The following NCAM2 variants were observed in gnomAD, a reference collection of about 807,000 sequenced individuals.
NCAM2 encodes neural cell adhesion molecule 2.
NCAM2 carries 30 observed loss-of-function variants against 98.1 expected under a neutral mutation model. The observed-to-expected ratio is 0.31, with a 90% confidence interval of 0.23 to 0.41. The LOEUF is 0.41. NCAM2 is among the 10% of genes least tolerant of loss of function. NCAM2 has a pLI of 1.00. For missense variants in NCAM2, 867 were observed against 1,005.8 expected, an observed-to-expected ratio of 0.86 and a Z score of 1.87; for synonymous variants, 368 against 342.4, an observed-to-expected ratio of 1.07 and a Z score of -0.83.
chr21:21,524,515 A>T (rs2076150937), intron 16 of NCAM2, among the ~76,000 whole-genome samples: 1 of 151,506 alleles, frequency 6.6e-6, no homozygotes, highest in South Asian at 2.1e-4. Flanking sequence ...ATACAACAAG[A>T]GCGAAACTCT....
At position 21,210,604 on chromosome 21, in the gene NCAM2, C is replaced by A. The variant is rs868203661; in HGVS notation, c.56-69974C>A. On this transcript the variant is annotated intron_variant, in intron 1 of 17. Transcript: ENST00000400546. ...AGGAGGACAAGTTTACCTTGATTAT[C>A]ACAACAGGCAAGGTCTCTTTGTTGA... is the stretch of plus-strand genomic sequence containing the variant. 1.2e-4 allele frequency: 154 copies of A among 1,288,666 alleles called. 1 individual carries two copies. The Middle Eastern group carries it at 9.0e-3, about 75-fold the overall frequency. The allele number at this position is 1,288,666 out of a possible 1,614,324, so 79.8% of individuals were successfully genotyped here. A position where few individuals can be genotyped will look rare whatever the true frequency, so the allele number is the denominator to read the frequency against.
intron 10 of NCAM2, among the ~76,000 whole-genome samples, chr21:21,414,813 C>G (rs557058800): frequency 3.9e-5 from 6 of 152,170 alleles, no homozygotes; most frequent in Non-Finnish European, 8.8e-5. Context: ...GTTGAAATTA[C>G]TCCTTGATCC....
Position 21,280,353 on chromosome 21 carries a change from A to G in NCAM2, c.56-225A>G, listed in dbSNP as rs554148907. Among the ~76,000 whole-genome samples the G allele has an allele frequency of 5.9e-5, 9 of 152,324 alleles. No individual in the cohort carries two copies. The East Asian group carries it at 1.5e-3, about 26-fold the overall frequency. On this transcript the variant is annotated intron_variant, in intron 1 of 17. Transcript: ENST00000400546. The stretch of plus-strand genomic sequence containing the variant: ...TACTTGACTAACAGAATTTCAGACT[A>G]TCAGCTTGAAGAAGTGCTGTATTTA...
intron 1 of NCAM2, among the ~76,000 whole-genome samples, chr21:21,118,153 A>G (rs535018131): frequency 7.9e-5 from 12 of 152,186 alleles, no homozygotes; most frequent in Non-Finnish European, 1.0e-4. Flanking sequence ...ATGTTCTTCT[A>G]ATGAAGTTAT....
Position 21,126,521 on chromosome 21 carries a change from T to C in NCAM2, c.55+127903T>C, listed in dbSNP as rs141049136. Among the ~76,000 whole-genome samples, 300 of 152,132 alleles carry C rather than the reference T, an allele frequency of 2.0e-3. 1 individual carries two copies. The highest frequency in any genetic ancestry group is 7.1e-3 in the African/African-American group (296 of 41,546). On this transcript the variant is annotated intron_variant, in intron 1 of 17. Transcript: ENST00000400546. ...CATAGTATCAACATATTATTAATTA[T>C]TTTGAATACCAACCCCATTTCTCTA...
chr21:21,277,915 T>A (rs1353563509), intron 1 of NCAM2, among the ~76,000 whole-genome samples: 2 of 152,138 alleles, frequency 1.3e-5, no homozygotes, highest in African/African-American at 4.8e-5. Context: ...ATATTGGCAA[T>A]GTTTGAAAAT....
At chr21:21,223,347 T>G (rs1250976938) in intron 1 of NCAM2, 1 of 152,160 alleles carries the variant, frequency 6.6e-6, no homozygotes, top group East Asian at 1.9e-4. Flanking sequence ...TCATTTCATA[T>G]CTGTGAGAAC....
intron 1 of NCAM2, among the ~76,000 whole-genome samples, chr21:21,080,288 C>T (rs1322798065): frequency 6.6e-6 from 1 of 151,892 alleles, no homozygotes; most frequent in African/African-American, 2.4e-5. Context: ...TCCAAAAAAC[C>T]CCTAAAGACA....
At chr21:21,341,683 G>T (rs1028141913) in intron 8 of NCAM2, among the ~76,000 whole-genome samples, 23 of 149,528 alleles carry the variant, frequency 1.5e-4, no homozygotes. Flanking sequence ...ATTTTTCAGA[G>T]AGGAGGGTCT....
At chr21:21,426,271 CAG>C (rs2077212489) in intron 11 of NCAM2, among the ~76,000 whole-genome samples, 1 of 152,102 alleles carries the variant, frequency 6.6e-6, no homozygotes, top group South Asian at 2.1e-4. Context: ...CCACTCAAAA[CAG>C]AAATAGATAG....
intron 12 of NCAM2, among the ~76,000 whole-genome samples, chr21:21,447,040 G>C (rs1569073336): frequency 6.6e-6 from 1 of 151,914 alleles, no homozygotes; most frequent in East Asian, 1.9e-4. Context: ...TCACAGATTA[G>C]AAAAAAACTA....
At chr21:21,510,759 T>G (rs1047857207) in intron 16 of NCAM2, among the ~76,000 whole-genome samples, 1 of 148,088 alleles carries the variant, frequency 6.8e-6, no homozygotes, top group Non-Finnish European at 1.5e-5. Flanking sequence ...CTGCATTTTT[T>G]GCTAATTGTT....
chr21:21,537,769 A>G (rs1990060555), intron 17 of NCAM2, 77 bp from the exon 18 acceptor site: 4 of 655,262 alleles, frequency 6.1e-6, no homozygotes, highest in Non-Finnish European at 1.0e-5. Context: ...TTTTCCTTAC[A>G]AAACAGTAAC....
intron 1 of NCAM2, among the ~76,000 whole-genome samples, chr21:21,219,045 T>C (rs116583394): frequency 0.014 from 2,114 of 152,314 alleles, 45 homozygotes; most frequent in African/African-American, 0.048. Context: ...CAAGCTTGTG[T>C]TGTTTACCAA....
At chr21:21,106,368 A>C (rs1023423995) in intron 1 of NCAM2, among the ~76,000 whole-genome samples, 1 of 149,072 alleles carries the variant, frequency 6.7e-6, no homozygotes, top group African/African-American at 2.5e-5. Flanking sequence ...CAATATATTT[A>C]AATATGATGT....
At chr21:21,324,566 A>ACTG in intron 6 of NCAM2, 66 bp downstream of exon 6, 2 of 898,292 alleles carry the variant, frequency 2.2e-6, no homozygotes, top group South Asian at 2.6e-5. Flanking sequence ...AGTATTGGGG[A>ACTG]TCTTAATCAT....
intron 5 of NCAM2, among the ~76,000 whole-genome samples, chr21:21,317,551 T>TA (rs1401987260): frequency 9.3e-6 from 1 of 107,868 alleles, no homozygotes; most frequent in Non-Finnish European, 2.4e-5. Flanking sequence ...TAATTAATTA[T>TA]TTTTTTTGAG....
rs191745122 is a variant in NCAM2 at position 21,079,785 on chromosome 21, A to G, written c.55+81167A>G. 4.2e-3 allele frequency among the ~76,000 whole-genome samples: 638 copies of G among 152,308 alleles called. 2 individuals carry two copies. Among genetic ancestry groups the G allele is most frequent in the South Asian group, 8.5e-3 (41 of 4,828 alleles). On this transcript the variant is annotated intron_variant, in intron 1 of 17. Coordinates refer to ENST00000400546, the MANE Select transcript of NCAM2 (RefSeq NM_004540.5). ...CATCTCTATGACATTAAGACTATCT[A>G]GCCAGCTTACTCTAAGAGTCTGTTC...
chr21:21,397,184 A>G (rs555921022), intron 9 of NCAM2, among the ~76,000 whole-genome samples: 1 of 152,200 alleles, frequency 6.6e-6, no homozygotes, highest in South Asian at 2.1e-4. Flanking sequence ...TGATTGGTCC[A>G]TGGTTGGCCA....
Sources: gnomAD v4.1 joint callset for allele counts (sites outside exome capture counted in the v4.1 genomes callset) on GRCh38, gnomAD v4.1.1 for gene constraint, MANE v1.5 for transcripts, NCBI Gene and HGNC (gene_info 2026-07-23, HGNC 2026-07-21) for gene names.